The following CYP4F12 variants were observed in gnomAD, a reference collection of about 807,000 sequenced individuals.
CYP4F12 encodes cytochrome P450 4F12.
In CYP4F12, 60 loss-of-function variants were observed where a neutral mutation model predicts 56.5. The observed-to-expected ratio is 1.06, with a 90% CI of 0.86 to 1.32. The LOEUF is 1.32. Ranked by LOEUF, CYP4F12 falls within the 40% of genes most tolerant of loss-of-function variation. The probability of loss-of-function intolerance (pLI) is 0.00; values close to 1 mark genes in which losing one functional copy is unlikely to be tolerated. For synonymous variants in CYP4F12, 263 were observed against 264.9 expected (o/e 0.99, Z 0.07); for missense variants, 711 against 683.5 (o/e 1.04, Z -0.45).
At chr19:15,686,696 A>T (rs377066567) in intron 9 of CYP4F12, among the ~76,000 whole-genome samples, 2 of 151,970 alleles carry the variant, frequency 1.3e-5, no homozygotes, top group African/African-American at 4.9e-5. Flanking sequence ...GTGGTTGAGC[A>T]GGGGAGGGGC....
At chr19:15,691,395 T>C (rs1447288701) in intron 9 of CYP4F12, among the ~76,000 whole-genome samples, 1 of 152,238 alleles carries the variant, frequency 6.6e-6, no homozygotes, top group East Asian at 1.9e-4. Flanking sequence ...ACCATTTGCA[T>C]TCTACAGTTG....
chr19:15,692,916 A>AT (rs1324050095), intron 9 of CYP4F12, among the ~76,000 whole-genome samples: 1 of 100,700 alleles, frequency 9.9e-6, no homozygotes, highest in Non-Finnish European at 2.1e-5. Context: ...TCTACTAAAA[A>AT]TAAAAAAAAA....
chr19:15,689,000 C>T (rs1295120832), intron 9 of CYP4F12, among the ~76,000 whole-genome samples: 4 of 152,126 alleles, frequency 2.6e-5, no homozygotes, highest in Non-Finnish European at 5.9e-5. Context: ...TATAAGATAA[C>T]CTTGGAAAAA....
At position 15,673,604 on chromosome 19, in the gene CYP4F12, TG is replaced by T. The variant is rs752429206; in HGVS notation, c.76del (p.Val26TrpfsTer41). 42 of 1,614,002 alleles carry T rather than the reference TG, an allele frequency of 2.6e-5. No homozygotes were observed. The highest frequency in any genetic ancestry group is 3.1e-5 in the Non-Finnish European group (36 of 1,179,998). On this transcript the variant is annotated frameshift_variant, in exon 2 of 13. Transcript: ENST00000550308. LOFTEE classifies it high-confidence loss of function. ...CCCCATGGCTACTCCTGCTGCTGGT[TG>T]TGGGCTCCTGGCTACTCGCCCGCAT... The part of the protein sequence containing the change: ...TSPWLLLLLV[V>X]GSWLLARILA...
chr19:15,678,117 T>G, intron 2 of CYP4F12, 144 bp from the exon 3 acceptor site: 1 of 1,079,822 alleles, frequency 9.3e-7, no homozygotes, highest in South Asian at 1.5e-5. Flanking sequence ...CTGTTTACCT[T>G]CAAATGCTAA....
rs1196490444 is a variant in CYP4F12, at chr19:15,680,498, C to T, written c.504C>T (p.Asn168=). Residue 168 remains asparagine, a synonymous_variant, in exon 5 of 13, where the codon AAC becomes AAT. Transcript: ENST00000550308. ...TGAAGTCCTATATAACGATCTTCAACAAGAGTGCAAACATCATGCTTGTGA... is the reference window on the plus strand; with the variant it reads ...TGAAGTCCTATATAACGATCTTCAATAAGAGTGCAAACATCATGCTTGTGA... ...NILKSYITIF[N]KSANIMLDKW... is the part of the protein sequence containing the mutation. The T allele has an allele frequency of 6.2e-7, 1 of 1,614,178 alleles. No individual in the cohort carries two copies. The highest frequency in any genetic ancestry group is 8.5e-7 in the Non-Finnish European group (1 of 1,180,032).
chr19:15,676,019 A>G (rs987213588), intron 2 of CYP4F12, among the ~76,000 whole-genome samples: 19 of 152,168 alleles, frequency 1.2e-4, no homozygotes, highest in African/African-American at 4.6e-4. Flanking sequence ...GGTGGTGTAA[A>G]TTCAGCCTGA....
At chr19:15,680,792 A>G in intron 5 of CYP4F12, 1 of 480,266 alleles carries the variant, frequency 2.1e-6, no homozygotes, top group South Asian at 2.0e-5. Flanking sequence ...ATTGTGTAGT[A>G]GTCATTGCTG....
chr19:15,696,577 C>A, intron 12 of CYP4F12, 65 bp downstream of exon 12: 2 of 1,529,576 alleles, frequency 1.3e-6, no homozygotes, highest in Non-Finnish European at 1.8e-6. Context: ...AAAAGGGGGA[C>A]GTTGCAGATG....
chr19:15,676,604 T>A lies in CYP4F12; in HGVS notation c.199-1657T>A, dbSNP rs1353246198. Among the ~76,000 whole-genome samples the A allele has an allele frequency of 9.1e-4, 16 of 17,566 alleles. 5 individuals are homozygous for A. The highest frequency in any genetic ancestry group is 2.5e-3 in the African/African-American group (14 of 5,702). 11.5% of individuals were successfully genotyped at this position (17,566 alleles called of 152,430 possible). On this transcript the variant is annotated intron_variant, in intron 2 of 12. Coordinates refer to ENST00000550308, the MANE Select transcript of CYP4F12 (RefSeq NM_023944.4). Reference sequence around the variant, plus strand: ...TCATTCCTCTCCTCACTAATTCCAATACCAACTCACTCATTCCTCTCCTCA... The same window carrying A: ...TCATTCCTCTCCTCACTAATTCCAAAACCAACTCACTCATTCCTCTCCTCA...
intron 7 of CYP4F12, 138 bp downstream of exon 7, chr19:15,683,901 T>G: frequency 8.6e-7 from 1 of 1,165,928 alleles, no homozygotes; most frequent in Non-Finnish European, 1.2e-6. Context: ...ACAGATAGGT[T>G]TTAGAGATGA....
chr19:15,680,125 G>A lies in CYP4F12; in HGVS notation c.344-119G>A, dbSNP rs371589375. 2.9e-5 allele frequency: 39 copies of A among 1,346,670 alleles called. No homozygotes were observed. In the African/African-American group the frequency reaches 5.0e-4, roughly 17 times the overall value. The allele number at this position is 1,346,670 out of a possible 1,614,324, so 83.4% of individuals were successfully genotyped here. ...ATCCTCCCTTCGTCCTTTGCCCTTG[G>A]CCCCCTTCCTGCTATGCTGGGCATG... is the stretch of plus-strand genomic sequence containing the variant. On this transcript the variant is annotated intron_variant, in intron 3 of 12. Coordinates refer to ENST00000550308, the MANE Select transcript of CYP4F12 (RefSeq NM_023944.4).
Position 15,695,900 on chromosome 19 carries a change from C to A in CYP4F12, c.1116-36C>A, listed in dbSNP as rs747299346. The A allele has an allele frequency of 2.5e-6, 4 of 1,588,498 alleles. No homozygotes were observed. The South Asian group carries it at 3.5e-5, about 14-fold the overall frequency. On this transcript the variant is annotated intron_variant, in intron 9 of 12. Transcript: ENST00000550308. ...AAAGGTGGAGAGTTGTGTATTTGTT[C>A]CCTTGATAATGACTGGGGCTGGGGT...
At chr19:15,685,810 T>A (rs1009676404) in intron 9 of CYP4F12, among the ~76,000 whole-genome samples, 1 of 152,244 alleles carries the variant, frequency 6.6e-6, no homozygotes, top group Non-Finnish European at 1.5e-5. Context: ...ACATCTTTAC[T>A]TCCTGAATGT....
intron 9 of CYP4F12, among the ~76,000 whole-genome samples, chr19:15,691,080 C>G (rs891349710): frequency 1.2e-4 from 18 of 152,282 alleles, no homozygotes; most frequent in African/African-American, 3.8e-4. Context: ...AAGACACTTG[C>G]GTAAACATTT....
At chr19:15,695,278 T>C (rs1267668210) in intron 9 of CYP4F12, among the ~76,000 whole-genome samples, 1 of 142,314 alleles carries the variant, frequency 7.0e-6, no homozygotes, top group African/African-American at 2.6e-5. Context: ...CCGCATGTTC[T>C]CACTCATAGG....
At chr19:15,675,808 A>G (rs2006892719) in intron 2 of CYP4F12, among the ~76,000 whole-genome samples, 1 of 152,132 alleles carries the variant, frequency 6.6e-6, no homozygotes, top group South Asian at 2.1e-4. Flanking sequence ...TCATCTAGGG[A>G]GGTGCATTAG....
chr19:15,675,503 C>G (rs1211395828), intron 2 of CYP4F12, among the ~76,000 whole-genome samples: 1 of 152,230 alleles, frequency 6.6e-6, no homozygotes, highest in African/African-American at 2.4e-5. Flanking sequence ...TGGCAACCAG[C>G]TCTAGGGATA....
intron 6 of CYP4F12, among the ~76,000 whole-genome samples, chr19:15,683,205 G>A (rs760777925): frequency 1.2e-4 from 18 of 152,158 alleles, no homozygotes; most frequent in Non-Finnish European, 2.2e-4. Context: ...TAAGGAAAAT[G>A]ATCAGTACTG....
Sources: gnomAD v4.1 joint callset for allele counts (sites outside exome capture counted in the v4.1 genomes callset) on GRCh38, gnomAD v4.1.1 for gene constraint, MANE v1.5 for transcripts, NCBI Gene and HGNC (gene_info 2026-07-23, HGNC 2026-07-21) for gene names.